The following SMIM5 variants were observed in gnomAD, a reference collection of about 807,000 sequenced individuals.
The protein encoded by SMIM5 is chromosome 17 open reading frame 109.
Under a neutral mutation model 4.0 loss-of-function variants are expected in SMIM5, and 4 were observed. That is an observed-to-expected ratio of 1.01 (90% confidence interval 0.50 to 2.30). The LOEUF is 2.30. Among genes scored for constraint, SMIM5 ranks in the 30% most tolerant of loss-of-function variants. SMIM5 has a pLI of 0.02. For missense variants in SMIM5, 107 were observed against 99.2 expected, an observed-to-expected ratio of 1.08 and a Z score of -0.34; for synonymous variants, 46 against 43.6, an observed-to-expected ratio of 1.05 and a Z score of -0.22.
At position 75,640,818 on chromosome 17, in the gene SMIM5, C is replaced by T; in HGVS notation, c.155C>T (p.Ala52Val). The stretch of plus-strand genomic sequence containing the variant: ...ACTGTTCTGCTGTTGCTGCTGATAG[C>T]CTGCAGCTGCTGCTGCACTCACTGC... Reference protein sequence around the residue: ...TATVLLLLLIACSCCCTHCCC... With the variant: ...TATVLLLLLIVCSCCCTHCCC... The change falls in exon 3 of 3, where the codon GCC becomes GTC. Residue 52 changes from alanine (A) to valine (V), a missense_variant. Coordinates refer to ENST00000375215, the MANE Select transcript of SMIM5 (RefSeq NM_001162995.3). The surrounding 1 kb of genome is among the most constrained non-coding windows in gnomAD (Gnocchi z 4.6). The T allele has an allele frequency of 6.5e-7, 1 of 1,550,082 alleles. No homozygotes were observed. Among genetic ancestry groups the T allele is most frequent in the Non-Finnish European group, 8.7e-7 (1 of 1,146,818 alleles).
At chr17:75,637,378 G>A (rs2059344225) in intron 1 of SMIM5, 1 of 152,376 alleles carries the variant, frequency 6.6e-6, no homozygotes. Context: ...GAGAAAGGCA[G>A]CCCAGCTCCT....
intron 1 of SMIM5, 95 bp downstream of exon 1, chr17:75,634,297 C>T (rs1035690750): frequency 1.6e-5 from 16 of 977,476 alleles, no homozygotes; most frequent in Middle Eastern, 1.0e-3. Flanking sequence ...ACCATAAACA[C>T]GGAGAGGTCT....
rs923655347 is a variant in SMIM5 at position 75,636,982 on chromosome 17, C to T, written c.-37+2780C>T. 1.3e-5 allele frequency: 2 copies of T among 152,204 alleles called. No individual in the cohort carries two copies. The highest frequency in any genetic ancestry group is 4.8e-5 in the African/African-American group (2 of 41,432). 9.4% of individuals were successfully genotyped at this position (152,204 alleles called of 1,614,324 possible). ...CTATGACACTGTCCACAGCCGCAGCCTGCTGCTGCTGGGAACTGACACTTT... is the reference window on the plus strand; with the variant it reads ...CTATGACACTGTCCACAGCCGCAGCTTGCTGCTGCTGGGAACTGACACTTT... On this transcript the variant is annotated intron_variant, in intron 1 of 2. Coordinates refer to ENST00000375215, the MANE Select transcript of SMIM5 (RefSeq NM_001162995.3). This position sits in a 1 kb window ranked among gnomAD's most constrained non-coding sequence, Gnocchi z 5.4.
At position 75,640,758 on chromosome 17, in the gene SMIM5, A is replaced by G. The variant is rs887236824; in HGVS notation, c.128-33A>G. ...GGGTGGGCATCCTTTCTCTCCCCCA[A>G]CCTGAGTCCCGTGCTCTCTCCCGGC... On this transcript the variant is annotated intron_variant, in intron 2 of 2. Coordinates refer to ENST00000375215, the MANE Select transcript of SMIM5 (RefSeq NM_001162995.3). This position sits in a 1 kb window ranked among gnomAD's most constrained non-coding sequence, Gnocchi z 4.6. 1.8e-5 allele frequency: 28 copies of G among 1,542,372 alleles called. No homozygotes were observed. In the Admixed American group the frequency reaches 2.0e-4, roughly 11 times the overall value.
rs2059410806 is a variant in SMIM5 at position 75,640,272 on chromosome 17, TGCCCCAG to T, written c.74_80del (p.Pro25LeufsTer24). The T allele has an allele frequency of 1.3e-6, 2 of 1,551,384 alleles. No homozygotes were observed. Among genetic ancestry groups the T allele is most frequent in the African/African-American group, 2.7e-5 (2 of 73,038 alleles). ...AGGCTGCTGCTCAAGCTGCAGAGAC[TGCCCCAG>T]GCTGAGCCCGTGGAGATCGTGGCCT... On this transcript the variant is annotated frameshift_variant, in exon 2 of 3. Coordinates refer to ENST00000375215, the MANE Select transcript of SMIM5 (RefSeq NM_001162995.3). LOFTEE classifies it high-confidence loss of function. This position sits in a 1 kb window ranked among gnomAD's most constrained non-coding sequence, Gnocchi z 4.6.
chr17:75,639,104 C>T (rs2059383500), intron 1 of SMIM5: 1 of 152,346 alleles, frequency 6.6e-6, no homozygotes, highest in Non-Finnish European at 1.5e-5. Flanking sequence ...CGTTCGATGA[C>T]CTTCACGGTG....
At chr17:75,634,494 G>C (rs897330526) in intron 1 of SMIM5, among the ~76,000 whole-genome samples, 4 of 152,234 alleles carry the variant, frequency 2.6e-5, no homozygotes, top group South Asian at 2.1e-4. Flanking sequence ...GTTCATTTCA[G>C]CTCTTTTATT....
At chr17:75,639,098 C>T (rs997350430) in intron 1 of SMIM5, 6 of 152,316 alleles carry the variant, frequency 3.9e-5, no homozygotes, top group Non-Finnish European at 1.5e-5. Context: ...GGGCCCCGTT[C>T]GATGACCTTC....
chr17:75,634,100 G>A lies in SMIM5; in HGVS notation c.-139G>A. 1 of 985,576 alleles carries A rather than the reference G, an allele frequency of 1.0e-6. No individual in the cohort carries two copies. The highest frequency in any genetic ancestry group is 4.7e-5 in the South Asian group (1 of 21,288). The allele number at this position is 985,576 out of a possible 1,614,324, so 61.1% of individuals were successfully genotyped here. ...CTGTCAGCAGAGGAGCTGGGCTGAG[G>A]CGCCCAGGGGAGCAGCGGCGCCCAC... is the stretch of plus-strand genomic sequence containing the variant. On this transcript the variant is annotated 5_prime_UTR_variant, in exon 1 of 3. Coordinates refer to ENST00000375215, the MANE Select transcript of SMIM5 (RefSeq NM_001162995.3).
At position 75,634,058 on chromosome 17, in the gene SMIM5, G is replaced by A. The variant is rs1568263455; in HGVS notation, c.-181G>A. ...GGACGACCAACAACAAAAAAGCCAGGCAGAGACAGCAGCTGGCTGTCAGCA... is the reference window on the plus strand; with the variant it reads ...GGACGACCAACAACAAAAAAGCCAGACAGAGACAGCAGCTGGCTGTCAGCA... On this transcript the variant is annotated 5_prime_UTR_variant, in exon 1 of 3. Coordinates refer to ENST00000375215, the MANE Select transcript of SMIM5 (RefSeq NM_001162995.3). The A allele has an allele frequency of 6.1e-6, 6 of 985,596 alleles. No individual in the cohort carries two copies. The highest frequency in any genetic ancestry group is 7.2e-6 in the Non-Finnish European group (6 of 830,046). The allele number at this position is 985,596 out of a possible 1,614,324, so 61.1% of individuals were successfully genotyped here.
At position 75,641,052 on chromosome 17, in the gene SMIM5, C is replaced by G; in HGVS notation, c.*155C>G. On this transcript the variant is annotated 3_prime_UTR_variant, in exon 3 of 3. Transcript: ENST00000375215. ...GGTACCTGGACACTGACAACTTGAGCCCTACCAAGGAAACAAGGGCTGGTA... is the reference window on the plus strand; with the variant it reads ...GGTACCTGGACACTGACAACTTGAGGCCTACCAAGGAAACAAGGGCTGGTA... 7.4e-7 allele frequency: 1 copy of G among 1,347,724 alleles called. No individual in the cohort carries two copies. The highest frequency in any genetic ancestry group is 9.9e-7 in the Non-Finnish European group (1 of 1,014,014). 83.5% of individuals were successfully genotyped at this position (1,347,724 alleles called of 1,614,324 possible). A position where few individuals can be genotyped will look rare whatever the true frequency, so the allele number is the denominator to read the frequency against.
chr17:75,635,005 G>A (rs556194311), intron 1 of SMIM5, among the ~76,000 whole-genome samples: 1 of 152,270 alleles, frequency 6.6e-6, no homozygotes, highest in Non-Finnish European at 1.5e-5. Context: ...AGCCCTCCTG[G>A]GCAGGGCCCG....
Position 75,640,126 on chromosome 17 carries a change from C to A in SMIM5, c.-36-40C>A. 2.1e-6 allele frequency: 3 copies of A among 1,446,286 alleles called. No individual in the cohort carries two copies. Among genetic ancestry groups the A allele is most frequent in the Admixed American group, 2.7e-5 (1 of 37,394 alleles). The allele number at this position is 1,446,286 out of a possible 1,614,324, so 89.6% of individuals were successfully genotyped here. A position where few individuals can be genotyped will look rare whatever the true frequency, so the allele number is the denominator to read the frequency against. ...TCTCGGTGCTGCGACGAGTGTGGGG[C>A]CAGCCGTGGAGGCTCCAGGTGTTCT... is the stretch of plus-strand genomic sequence containing the variant. On this transcript the variant is annotated intron_variant, in intron 1 of 2. Coordinates refer to ENST00000375215, the MANE Select transcript of SMIM5 (RefSeq NM_001162995.3). The surrounding 1 kb of genome is among the most constrained non-coding windows in gnomAD (Gnocchi z 4.6).
At chr17:75,637,278 G>A (rs906625304) in intron 1 of SMIM5, 1 of 152,376 alleles carries the variant, frequency 6.6e-6, no homozygotes, top group Non-Finnish European at 1.5e-5. Flanking sequence ...CCTCTTTGAA[G>A]GAGTGTCTCT....
chr17:75,640,014 C>T lies in SMIM5; in HGVS notation c.-36-152C>T. ...GTGTCAGCTGGGTGGGGACTGAGGG[C>T]CACCACTAGGTGGAAGTCACCAGGG... On this transcript the variant is annotated intron_variant, in intron 1 of 2. Transcript: ENST00000375215. This position sits in a 1 kb window ranked among gnomAD's most constrained non-coding sequence, Gnocchi z 4.6. 1.3e-6 allele frequency: 1 copy of T among 759,502 alleles called. No homozygotes were observed. The highest frequency in any genetic ancestry group is 2.0e-6 in the Non-Finnish European group (1 of 497,704). The allele number at this position is 759,502 out of a possible 1,614,324, so 47.0% of individuals were successfully genotyped here. A position where few individuals can be genotyped will look rare whatever the true frequency, so the allele number is the denominator to read the frequency against.
rs1032752083 is a variant in SMIM5, at chr17:75,640,091, G to C, written c.-36-75G>C. On this transcript the variant is annotated intron_variant, in intron 1 of 2. Transcript: ENST00000375215. This position sits in a 1 kb window ranked among gnomAD's most constrained non-coding sequence, Gnocchi z 4.6. ...TGTTCTGCGGGCTGCGGATGGGTGC[G>C]AGGGTGGAATCTCGGTGCTGCGACG... The C allele has an allele frequency of 7.1e-7, 1 of 1,402,026 alleles. No individual in the cohort carries two copies. Among genetic ancestry groups the C allele is most frequent in the Non-Finnish European group, 9.4e-7 (1 of 1,066,570 alleles). The allele number at this position is 1,402,026 out of a possible 1,614,324, so 86.8% of individuals were successfully genotyped here.
Position 75,641,176 on chromosome 17 carries a change from C to G in SMIM5, c.*279C>G, listed in dbSNP as rs1174832253. ...GCCTGGGCTTCTTCGCCTACCTGCACTTTTTAACAAAACAAGGAAGTAGGG... is the reference window on the plus strand; with the variant it reads ...GCCTGGGCTTCTTCGCCTACCTGCAGTTTTTAACAAAACAAGGAAGTAGGG... On this transcript the variant is annotated 3_prime_UTR_variant, in exon 3 of 3. Transcript: ENST00000375215. 8 of 417,972 alleles carry G rather than the reference C, an allele frequency of 1.9e-5. No homozygotes were observed. Among genetic ancestry groups the G allele is most frequent in the Non-Finnish European group, 2.6e-5 (6 of 230,148 alleles). 25.9% of individuals were successfully genotyped at this position (417,972 alleles called of 1,614,324 possible). A position where few individuals can be genotyped will look rare whatever the true frequency, so the allele number is the denominator to read the frequency against.
chr17:75,640,286 C>G lies in SMIM5; in HGVS notation c.85C>G (p.Pro29Ala). 1 of 1,551,264 alleles carries G rather than the reference C, an allele frequency of 6.4e-7. No homozygotes were observed. The highest frequency in any genetic ancestry group is 2.0e-5 in the Admixed American group (1 of 50,928). Residue 29 changes from proline to alanine, a missense_variant, in exon 2 of 3, where the codon CCC becomes GCC. By Grantham distance (27) the Pro-to-Ala change is conservative (BLOSUM62 -1). Coordinates refer to ENST00000375215, the MANE Select transcript of SMIM5 (RefSeq NM_001162995.3). The surrounding 1 kb of genome is among the most constrained non-coding windows in gnomAD (Gnocchi z 4.6). ...GCTGCAGAGACTGCCCCAGGCTGAG[C>G]CCGTGGAGATCGTGGCCTTCTCAGT... Reference protein sequence around the residue: ...LKLQRLPQAEPVEIVAFSVII... With the variant: ...LKLQRLPQAEAVEIVAFSVII...
In SMIM5 at chr17:75,636,119, G is replaced by A. The variant is rs149241030; in HGVS notation, c.-37+1917G>A. On this transcript the variant is annotated intron_variant, in intron 1 of 2. Coordinates refer to ENST00000375215, the MANE Select transcript of SMIM5 (RefSeq NM_001162995.3). This position sits in a 1 kb window ranked among gnomAD's most constrained non-coding sequence, Gnocchi z 5.4. ...GGCTGGGCAGCCTGGGCAGCAGGAG[G>A]GCCTGGTGGCAGCTGGGCTACACTC... Among the ~76,000 whole-genome samples the A allele has an allele frequency of 9.2e-5, 14 of 152,318 alleles. 1 individual carries two copies. Among genetic ancestry groups the A allele is most frequent in the South Asian group, 4.1e-4 (2 of 4,830 alleles).
Sources: allele counts gnomAD v4.1 joint callset (sites outside exome capture counted in the v4.1 genomes callset), GRCh38; gene constraint gnomAD v4.1.1; non-coding constraint Gnocchi (gnomAD v3.1); transcripts MANE v1.5; gene names NCBI Gene and HGNC (gene_info 2026-07-23, HGNC 2026-07-21).